Variants in GNA14 observed in about 807,000 individuals in gnomAD.
GNA14 encodes the protein G protein subunit alpha 14.
Under a neutral mutation model 42.0 loss-of-function variants are expected in GNA14, and 50 were observed. The observed-to-expected ratio is 1.19, with a 90% CI of 0.95 to 1.51. GNA14 has a LOEUF of 1.51. Ranked by LOEUF, GNA14 falls within the 40% of genes most tolerant of loss-of-function variation. The pLI is 0.00. For synonymous variants in GNA14, 173 were observed against 163.1 expected (o/e 1.06, Z -0.46); for missense variants, 473 against 446.2 (o/e 1.06, Z -0.54).
chr9:77,530,971 C>A (rs749515037), intron 1 of GNA14, among the ~76,000 whole-genome samples: 1 of 152,228 alleles, frequency 6.6e-6, no homozygotes. Flanking sequence ...CCTTGGCCTT[C>A]AATGTTCACC....
intron 1 of GNA14, among the ~76,000 whole-genome samples, chr9:77,631,749 G>A (rs538373076): frequency 1.4e-3 from 219 of 152,038 alleles, no homozygotes; most frequent in African/African-American, 5.0e-3. Flanking sequence ...TGAAGTTCAA[G>A]TATTCTTTCT....
At chr9:77,600,375 TC>T (rs1227010403) in intron 1 of GNA14, among the ~76,000 whole-genome samples, 2 of 152,236 alleles carry the variant, frequency 1.3e-5, no homozygotes, top group African/African-American at 2.4e-5. Flanking sequence ...AACCATTTTT[TC>T]TTGTGAAACT....
intron 1 of GNA14, among the ~76,000 whole-genome samples, chr9:77,591,645 A>G (rs539248839): frequency 6.6e-6 from 1 of 152,344 alleles, no homozygotes; most frequent in African/African-American, 2.4e-5. Context: ...AGTATGTCAT[A>G]TGGTAGCATA....
At chr9:77,513,616 C>T (rs896571084) in intron 2 of GNA14, among the ~76,000 whole-genome samples, 1 of 152,172 alleles carries the variant, frequency 6.6e-6, no homozygotes, top group African/African-American at 2.4e-5. Flanking sequence ...CGTGAGGAGG[C>T]ACAGCAATTG....
rs180945158 is a variant in GNA14 at position 77,507,516 on chromosome 9, T to C, written c.309+21553A>G. Among the ~76,000 whole-genome samples the C allele has an allele frequency of 1.0e-3, 158 of 152,292 alleles. 1 individual carries two copies. In the South Asian group the frequency reaches 0.014, roughly 13 times the overall value. On this transcript the variant is annotated intron_variant, in intron 2 of 6. Transcript: ENST00000341700. ...CACCGTCAAAGCCAAGAACAGCAAC[T>C]GAACCCCCGAGCATCACAAATCTTA...
intron 1 of GNA14, among the ~76,000 whole-genome samples, chr9:77,574,826 G>A (rs931451499): frequency 2.0e-5 from 3 of 152,168 alleles, no homozygotes; most frequent in South Asian, 4.1e-4. Context: ...CAAAAGAAGA[G>A]AAACAGGGGA....
chr9:77,509,907 T>G (rs774648913), intron 2 of GNA14, among the ~76,000 whole-genome samples: 1 of 152,214 alleles, frequency 6.6e-6, no homozygotes, highest in Non-Finnish European at 1.5e-5. Flanking sequence ...CCTCTTAAAG[T>G]GTCTAGTGGG....
rs189562616 is a variant in GNA14, at chr9:77,467,129, G to A, written c.310-32607C>T. On this transcript the variant is annotated intron_variant, in intron 2 of 6. Coordinates refer to ENST00000341700, the MANE Select transcript of GNA14 (RefSeq NM_004297.4). Reference sequence around the variant, plus strand: ...AGCTCAGAGTTACTAGTTAAAGAGCGTCTCTTTCTGGGCACTCCTGAGGGG... The same window carrying A: ...AGCTCAGAGTTACTAGTTAAAGAGCATCTCTTTCTGGGCACTCCTGAGGGG... 1.6e-3 allele frequency among the ~76,000 whole-genome samples: 241 copies of A among 151,912 alleles called. 9 individuals carry two copies. The highest frequency in any genetic ancestry group is 0.013 in the Admixed American group (194 of 15,232).
chr9:77,572,518 G>C (rs1051475797), intron 1 of GNA14, among the ~76,000 whole-genome samples: 7 of 152,128 alleles, frequency 4.6e-5, no homozygotes, highest in Non-Finnish European at 7.4e-5. Flanking sequence ...TTTTAGAAGA[G>C]AAGCTTTGTT....
intron 2 of GNA14, among the ~76,000 whole-genome samples, chr9:77,473,671 T>C (rs754570928): frequency 2.0e-5 from 3 of 150,538 alleles, no homozygotes; most frequent in African/African-American, 4.9e-5. Context: ...CATATGGGAA[T>C]GTAAGAAAAC....
intron 2 of GNA14, among the ~76,000 whole-genome samples, chr9:77,454,400 G>A (rs114903834): frequency 2.0e-5 from 3 of 152,092 alleles, no homozygotes; most frequent in East Asian, 1.9e-4. Flanking sequence ...CCTTTCGCTC[G>A]CTGTGTGCAT....
At chr9:77,633,167 A>G (rs1824125930) in intron 1 of GNA14, among the ~76,000 whole-genome samples, 1 of 152,198 alleles carries the variant, frequency 6.6e-6, no homozygotes, top group South Asian at 2.1e-4. Flanking sequence ...GAAAAGCACT[A>G]TTTTTAAAAA....
At chr9:77,458,904 A>AGCGGGGG (rs55765810) in intron 2 of GNA14, among the ~76,000 whole-genome samples, 41 of 134,406 alleles carry the variant, frequency 3.1e-4, no homozygotes, top group African/African-American at 6.3e-4. Flanking sequence ...CACAAGCTGG[A>AGCGGGGG]GGGGGGGGGG....
rs1982294 is a variant in GNA14 at position 77,454,670 on chromosome 9, C to T, written c.310-20148G>A. Among the ~76,000 whole-genome samples the T allele has an allele frequency of 7.4e-3, 1,114 of 150,526 alleles. 15 individuals carry two copies. The highest frequency in any genetic ancestry group is 0.026 in the African/African-American group (1,081 of 40,918). ...GTTTCTTTAGCCTGCTCCTTGATTC[C>T]ATGACCTCACTATAGCCTTTCCATA... On this transcript the variant is annotated intron_variant, in intron 2 of 6. Coordinates refer to ENST00000341700, the MANE Select transcript of GNA14 (RefSeq NM_004297.4).
chr9:77,437,135 C>T (rs970991127), intron 2 of GNA14, among the ~76,000 whole-genome samples: 8 of 152,140 alleles, frequency 5.3e-5, no homozygotes, highest in African/African-American at 1.7e-4. Flanking sequence ...TTTAGTGCTG[C>T]GACAATCATC....
chr9:77,574,440 G>A (rs1421610910), intron 1 of GNA14, among the ~76,000 whole-genome samples: 2 of 152,174 alleles, frequency 1.3e-5, no homozygotes, highest in Non-Finnish European at 2.9e-5. Flanking sequence ...ATTAAATACA[G>A]ACAGTAGTTT....
chr9:77,485,597 G>A (rs1392461889), intron 2 of GNA14, among the ~76,000 whole-genome samples: 1 of 152,068 alleles, frequency 6.6e-6, no homozygotes, highest in Non-Finnish European at 1.5e-5. Flanking sequence ...CACTATCTAT[G>A]ACAGCTATAG....
intron 1 of GNA14, among the ~76,000 whole-genome samples, chr9:77,611,787 C>G (rs1823738421): frequency 1.3e-5 from 2 of 152,104 alleles, no homozygotes; most frequent in Admixed American, 6.6e-5. Flanking sequence ...ACCCACCATA[C>G]CCTGATGCTG....
At chr9:77,497,860 A>T in intron 2 of GNA14, among the ~76,000 whole-genome samples, 1 of 152,194 alleles carries the variant, frequency 6.6e-6, no homozygotes. Flanking sequence ...CTCATTTGGC[A>T]ACACGAATTA....
Sources: allele counts gnomAD v4.1 joint callset (sites outside exome capture counted in the v4.1 genomes callset), GRCh38; gene constraint gnomAD v4.1.1; transcripts MANE v1.5; gene names NCBI Gene and HGNC (gene_info 2026-07-23, HGNC 2026-07-21).